DLG2: variants seen among roughly 807,000 people sequenced by gnomAD.
DLG2 encodes disks large homolog 2.
Under a neutral mutation model 132.5 loss-of-function variants are expected in DLG2, and 45 were observed. The observed-to-expected ratio is 0.34, with a 90% CI of 0.27 to 0.44. The LOEUF is 0.44. DLG2 is among the 20% of genes least tolerant of loss of function. The probability of loss-of-function intolerance (pLI) is 1.00; values close to 1 mark genes in which losing one functional copy is unlikely to be tolerated. For synonymous variants in DLG2, 424 were observed against 419.6 expected, an observed-to-expected ratio of 1.01 and a Z score of -0.13; for missense variants, 1,045 against 1,196.9, an observed-to-expected ratio of 0.87 and a Z score of 1.87.
At chr11:84,186,427 G>A (rs1054961498) in intron 8 of DLG2, among the ~76,000 whole-genome samples, 5 of 151,582 alleles carry the variant, frequency 3.3e-5, no homozygotes, top group Non-Finnish European at 5.9e-5. Context: ...TTAGAATTTA[G>A]GACAAAAAGA....
intron 6 of DLG2, among the ~76,000 whole-genome samples, chr11:84,726,074 T>C (rs773482014): frequency 2.0e-5 from 3 of 152,072 alleles, no homozygotes; most frequent in African/African-American, 4.8e-5. Flanking sequence ...CTAATATGCA[T>C]CATGTTCCCC....
intron 11 of DLG2, among the ~76,000 whole-genome samples, chr11:84,020,583 A>G (rs2095361858): frequency 6.6e-6 from 1 of 152,240 alleles, no homozygotes; most frequent in African/African-American, 2.4e-5. Flanking sequence ...AATCACTGTC[A>G]AGGACAGACA....
intron 19 of DLG2, among the ~76,000 whole-genome samples, chr11:83,630,290 C>T (rs2063335640): frequency 6.6e-6 from 1 of 152,098 alleles, no homozygotes; most frequent in Non-Finnish European, 1.5e-5. Context: ...TACATTCTCT[C>T]TGACACCACC....
chr11:84,458,718 C>A (rs1602489573), intron 7 of DLG2, among the ~76,000 whole-genome samples: 1 of 150,354 alleles, frequency 6.7e-6, no homozygotes, highest in East Asian at 2.0e-4. Flanking sequence ...TTTGTGAATT[C>A]TTCTGTTGCA....
intron 3 of DLG2, among the ~76,000 whole-genome samples, chr11:85,494,528 T>C (rs1333275782): frequency 1.3e-5 from 2 of 151,928 alleles, no homozygotes; most frequent in Non-Finnish European, 2.9e-5. Context: ...TGTTAAAATT[T>C]GGAGTGGCTT....
Position 84,599,451 on chromosome 11 carries a change from C to G in DLG2, c.358-64720G>C, listed in dbSNP as rs187671054. ...CATTCTCTTCTTTCTTGCTTTAGTG[C>G]CTTGTTTTTGTGAAGAGCTGAGCAG... On this transcript the variant is annotated intron_variant, in intron 6 of 27. Transcript: ENST00000376104. Among the ~76,000 whole-genome samples, 4 of 152,180 alleles carry G rather than the reference C, an allele frequency of 2.6e-5. No homozygotes were observed. In the East Asian group the frequency reaches 7.7e-4, roughly 29 times the overall value.
chr11:85,305,213 A>G (rs1175396834), intron 3 of DLG2, among the ~76,000 whole-genome samples: 2 of 152,186 alleles, frequency 1.3e-5, no homozygotes, highest in Admixed American at 6.5e-5. Flanking sequence ...AAAGAGCGGT[A>G]CTCTTTAAAT....
At chr11:85,373,639 C>A (rs2085165737) in intron 3 of DLG2, among the ~76,000 whole-genome samples, 1 of 152,136 alleles carries the variant, frequency 6.6e-6, no homozygotes, top group African/African-American at 2.4e-5. Context: ...GTGGAACCTG[C>A]AATTCAAGAG....
At chr11:84,103,462 T>TG (rs1402272286) in intron 9 of DLG2, among the ~76,000 whole-genome samples, 2 of 152,082 alleles carry the variant, frequency 1.3e-5, no homozygotes, top group Admixed American at 1.3e-4. Flanking sequence ...TGTTGATCCC[T>TG]GATGCAGTCA....
intron 8 of DLG2, among the ~76,000 whole-genome samples, chr11:84,240,935 A>G (rs190604667): frequency 6.6e-6 from 1 of 152,322 alleles, no homozygotes; most frequent in East Asian, 1.9e-4. Flanking sequence ...CAAAGCCGAT[A>G]CCAAGCAAAA....
intron 6 of DLG2, among the ~76,000 whole-genome samples, chr11:84,759,441 A>G (rs1014451686): frequency 1.3e-5 from 2 of 152,304 alleles, no homozygotes; most frequent in Non-Finnish European, 1.5e-5. Flanking sequence ...GATAAATACT[A>G]TTATAATTAT....
chr11:84,371,341 C>G (rs2098705639), intron 7 of DLG2, among the ~76,000 whole-genome samples: 3 of 151,706 alleles, frequency 2.0e-5, no homozygotes, highest in African/African-American at 4.9e-5. Context: ...CAGCCTCAAC[C>G]ACCCAGGCTC....
At chr11:84,660,422 G>A (rs943298301) in intron 6 of DLG2, among the ~76,000 whole-genome samples, 7 of 152,078 alleles carry the variant, frequency 4.6e-5, no homozygotes, top group African/African-American at 1.7e-4. Flanking sequence ...GCTGTACTAT[G>A]GTTTGTGCTA....
chr11:84,060,543 T>C (rs2096575653), intron 10 of DLG2, among the ~76,000 whole-genome samples: 1 of 150,516 alleles, frequency 6.6e-6, no homozygotes, highest in African/African-American at 2.4e-5. Context: ...TCCTCTTTTT[T>C]TTTTTTTTTC....
In DLG2 at chr11:84,739,240, T is replaced by C. The variant is rs560430424; in HGVS notation, c.358-204509A>G. 5.9e-5 allele frequency among the ~76,000 whole-genome samples: 9 copies of C among 152,340 alleles called. No individual in the cohort carries two copies. The East Asian group carries it at 1.7e-3, about 29-fold the overall frequency. Reference sequence around the variant, plus strand: ...AATATAGATTAAATATCTTAGGTGGTTTAAAACTCAAGACCAAAGAATTAC... The same window carrying C: ...AATATAGATTAAATATCTTAGGTGGCTTAAAACTCAAGACCAAAGAATTAC... On this transcript the variant is annotated intron_variant, in intron 6 of 27. Transcript: ENST00000376104.
chr11:84,316,714 A>G, intron 7 of DLG2: 1 of 1,162,232 alleles, frequency 8.6e-7, no homozygotes, highest in Non-Finnish European at 1.2e-6. Context: ...AATATTTTAC[A>G]TACAGGCATA....
intron 18 of DLG2, among the ~76,000 whole-genome samples, chr11:83,718,432 G>A (rs2087337028): frequency 1.4e-5 from 2 of 147,742 alleles, no homozygotes; most frequent in South Asian, 2.2e-4. Context: ...GTTGAGGCAG[G>A]AGAATTGCTT....
intron 20 of DLG2, among the ~76,000 whole-genome samples, chr11:83,536,278 T>G (rs2095874287): frequency 6.6e-6 from 1 of 152,156 alleles, no homozygotes; most frequent in Admixed American, 6.5e-5. Context: ...TCAGAATAAA[T>G]TTACTTTAAA....
At chr11:85,261,421 T>G (rs985110356) in intron 4 of DLG2, among the ~76,000 whole-genome samples, 2 of 151,364 alleles carry the variant, frequency 1.3e-5, no homozygotes, top group Non-Finnish European at 2.9e-5. Context: ...CAATGACAAG[T>G]CTTTGGCATT....
Sources: gnomAD v4.1 joint callset for allele counts (sites outside exome capture counted in the v4.1 genomes callset) on GRCh38, gnomAD v4.1.1 for gene constraint, MANE v1.5 for transcripts, NCBI Gene and HGNC (gene_info 2026-07-23, HGNC 2026-07-21) for gene names.